TVP23A: variants seen among roughly 807,000 people sequenced by gnomAD.
The protein encoded by TVP23A is trans-golgi network vesicle protein 23 homolog A.
A neutral mutation model predicts 31.7 loss-of-function variants in TVP23A; 21 were observed. The observed-to-expected ratio is 0.66, with a 90% CI of 0.47 to 0.95. The LOEUF is 0.95. Among genes scored for constraint, TVP23A ranks in the 40% least tolerant of loss-of-function variants. The probability of loss-of-function intolerance (pLI) is 0.00; values close to 1 mark genes in which losing one functional copy is unlikely to be tolerated. For missense variants in TVP23A, 279 were observed against 255.6 expected (o/e 1.09, Z -0.62); for synonymous variants, 104 against 96.0 (o/e 1.08, Z -0.49).
intron 7 of TVP23A, 95 bp from the exon 8 acceptor site, chr16:10,769,196 TG>T: frequency 8.5e-7 from 1 of 1,183,390 alleles, no homozygotes; most frequent in South Asian, 1.3e-5. Flanking sequence ...CGGGATGGGG[TG>T]GGTCACAGCA....
Position 10,792,184 on chromosome 16 carries a change from T to C in TVP23A, c.90-17088A>G, listed in dbSNP as rs530817696. On this transcript the variant is annotated intron_variant, in intron 2 of 7. Coordinates refer to ENST00000299866, the MANE Select transcript of TVP23A (RefSeq NM_001079512.4). ...AGGAAGAAAGCTGTTCCCCTTTCTC[T>C]TTCTTTTGCCTATTAAACCTCTGCT... Among the ~76,000 whole-genome samples, 4 of 152,342 alleles carry C rather than the reference T, an allele frequency of 2.6e-5. No individual in the cohort carries two copies. In the East Asian group the frequency reaches 7.7e-4, roughly 29 times the overall value.
rs3040297 is a variant in TVP23A at position 10,803,245 on chromosome 16, CTGTGTGTGTGTGTGTGTG to C, written c.89+14840_89+14857del. Among the ~76,000 whole-genome samples the C allele has an allele frequency of 5.9e-5, 8 of 135,472 alleles. No homozygotes were observed. The East Asian group carries it at 1.9e-3, about 31-fold the overall frequency. The allele number at this position is 135,472 out of a possible 152,430, so 88.9% of individuals were successfully genotyped here. A position where few individuals can be genotyped will look rare whatever the true frequency, so the allele number is the denominator to read the frequency against. The stretch of plus-strand genomic sequence containing the variant: ...GTTGCAGTGAGCCGAGATCGCGCCA[CTGTGTGTGTGTGTGTGTG>C]TGTGTGTGTGTGTGTGTGTGTGTCA... On this transcript the variant is annotated intron_variant, in intron 2 of 7. Transcript: ENST00000299866.
chr16:10,758,672 C>T (rs1268425537), downstream of TVP23A, among the ~76,000 whole-genome samples: 1 of 152,190 alleles, frequency 6.6e-6, no homozygotes, highest in African/African-American at 2.4e-5. Flanking sequence ...TCAGCCTTGC[C>T]GTGTCCATGT....
At chr16:10,799,057 G>A (rs1382326515) in intron 2 of TVP23A, among the ~76,000 whole-genome samples, 3 of 152,172 alleles carry the variant, frequency 2.0e-5, no homozygotes, top group African/African-American at 7.2e-5. Flanking sequence ...GGCCCACATG[G>A]CAAGGAACTG....
rs986675366 is a variant in TVP23A, at chr16:10,768,235, G to A, written c.*867C>T. 4.5e-5 allele frequency: 20 copies of A among 440,660 alleles called. No homozygotes were observed. Among genetic ancestry groups the A allele is most frequent in the Non-Finnish European group, 4.4e-5 (11 of 247,840 alleles). The allele number at this position is 440,660 out of a possible 1,614,324, so 27.3% of individuals were successfully genotyped here. Reference sequence around the variant, plus strand: ...TAATTCATAGTTTAAAAAACATGGTGAGGGTGAAATTTATGGCTTAGGAAA... The same window carrying A: ...TAATTCATAGTTTAAAAAACATGGTAAGGGTGAAATTTATGGCTTAGGAAA... On this transcript the variant is annotated 3_prime_UTR_variant, in exon 8 of 8. Transcript: ENST00000299866. This position sits in a 1 kb window ranked among gnomAD's most constrained non-coding sequence, Gnocchi z 4.3.
At chr16:10,789,878 G>T (rs2032999351) in intron 2 of TVP23A, among the ~76,000 whole-genome samples, 1 of 151,446 alleles carries the variant, frequency 6.6e-6, no homozygotes, top group Middle Eastern at 3.2e-3. Context: ...GTTTCAGAAA[G>T]GCGGGACAAC....
chr16:10,782,331 G>A (rs1401597662), intron 2 of TVP23A, among the ~76,000 whole-genome samples: 2 of 152,118 alleles, frequency 1.3e-5, no homozygotes, highest in Admixed American at 6.5e-5. Flanking sequence ...TTTCCTGGCA[G>A]TCAGCTCCTC....
At chr16:10,809,241 A>G (rs896923264) in intron 2 of TVP23A, among the ~76,000 whole-genome samples, 2 of 152,230 alleles carry the variant, frequency 1.3e-5, no homozygotes, top group African/African-American at 4.8e-5. Flanking sequence ...GTGGGTACCC[A>G]GAAGGTGTCA....
downstream of TVP23A, chr16:10,765,262 T>TAC (rs139167455): frequency 0.12 from 14,862 of 128,836 alleles, 887 homozygotes; most frequent in African/African-American, 0.19. This position sits in a 1 kb window ranked among gnomAD's most constrained non-coding sequence, Gnocchi z 4.0. Flanking sequence ...CTCCATTAAA[T>TAC]ACACACACAC....
chr16:10,757,827 G>A, downstream of TVP23A: 5 of 1,593,712 alleles, frequency 3.1e-6, no homozygotes, highest in Non-Finnish European at 4.3e-6. This position sits in a 1 kb window ranked among gnomAD's most constrained non-coding sequence, Gnocchi z 4.1. Context: ...TGAAAGTACA[G>A]AAAAGAAAGG....
At chr16:10,772,718 A>G (rs548657702) in intron 5 of TVP23A, among the ~76,000 whole-genome samples, 1 of 152,306 alleles carries the variant, frequency 6.6e-6, no homozygotes, top group South Asian at 2.1e-4. Context: ...ATCCACAGAA[A>G]CAGAAAAATT....
At chr16:10,787,228 T>G (rs2142975890) in intron 2 of TVP23A, among the ~76,000 whole-genome samples, 1 of 152,262 alleles carries the variant, frequency 6.6e-6, no homozygotes, top group East Asian at 1.9e-4. Context: ...AAGAAGAAAT[T>G]ATTTAGGCAG....
chr16:10,790,279 A>ATTTTTTTTTT (rs376916439), intron 2 of TVP23A, among the ~76,000 whole-genome samples: 1 of 114,536 alleles, frequency 8.7e-6, no homozygotes, highest in African/African-American at 3.3e-5. Flanking sequence ...TTGGGGTAAA[A>ATTTTTTTTTT]TTTTTTTTTT....
downstream of TVP23A, among the ~76,000 whole-genome samples, chr16:10,762,833 C>CA (rs1162402848): frequency 8.8e-5 from 13 of 147,956 alleles, no homozygotes; most frequent in Admixed American, 1.3e-4. Flanking sequence ...AGGGCGGGGC[C>CA]CGTGGAGAGC....
chr16:10,769,630 T>A (rs777421870), intron 7 of TVP23A, among the ~76,000 whole-genome samples: 11 of 152,154 alleles, frequency 7.2e-5, no homozygotes, highest in African/African-American at 2.2e-4. Context: ...AATCACTGCA[T>A]ATGACACAGC....
At chr16:10,795,541 G>A (rs761071941) in intron 2 of TVP23A, among the ~76,000 whole-genome samples, 1 of 152,144 alleles carries the variant, frequency 6.6e-6, no homozygotes, top group Non-Finnish European at 1.5e-5. Flanking sequence ...GTGAGCCACT[G>A]TGCCCGGCCT....
chr16:10,813,769 GC>G (rs903608530), intron 2 of TVP23A, among the ~76,000 whole-genome samples: 2 of 151,922 alleles, frequency 1.3e-5, no homozygotes, highest in African/African-American at 4.8e-5. Flanking sequence ...ACTTTGGGAG[GC>G]CAAGGCACTA....
intron 2 of TVP23A, among the ~76,000 whole-genome samples, chr16:10,789,899 G>T (rs1399277401): frequency 6.6e-6 from 1 of 152,032 alleles, no homozygotes; most frequent in Non-Finnish European, 1.5e-5. Flanking sequence ...TCAAAGAGGG[G>T]CAGGAGGAGG....
intron 2 of TVP23A, among the ~76,000 whole-genome samples, chr16:10,778,683 G>C (rs1227306800): frequency 6.6e-6 from 1 of 150,578 alleles, no homozygotes; most frequent in Non-Finnish European, 1.5e-5. Flanking sequence ...AAAAGATAGA[G>C]GGTCGGGCGC....
Sources: allele counts gnomAD v4.1 joint callset (sites outside exome capture counted in the v4.1 genomes callset), GRCh38; gene constraint gnomAD v4.1.1; non-coding constraint Gnocchi (gnomAD v3.1); transcripts MANE v1.5; gene names NCBI Gene and HGNC (gene_info 2026-07-23, HGNC 2026-07-21).